The following VAT1L variants were observed in gnomAD, a reference collection of about 807,000 sequenced individuals.
The protein encoded by VAT1L is putative NADPH-dependent quinone oxidoreductase VAT1L.
Under a neutral mutation model 44.1 loss-of-function variants are expected in VAT1L, and 34 were observed. That is an observed-to-expected ratio of 0.77 (90% CI 0.59 to 1.03). VAT1L has a LOEUF of 1.03. Among genes scored for constraint, VAT1L ranks in the 50% least tolerant of loss-of-function variants. VAT1L has a pLI of 0.00. For missense variants in VAT1L, 615 were observed against 538.8 expected, an observed-to-expected ratio of 1.14 and a Z score of -1.40; for synonymous variants, 253 against 202.2, an observed-to-expected ratio of 1.25 and a Z score of -2.13.
intron 7 of VAT1L, among the ~76,000 whole-genome samples, chr16:77,933,931 A>C (rs2017762311): frequency 6.6e-6 from 1 of 152,206 alleles, no homozygotes; most frequent in Non-Finnish European, 1.5e-5. Context: ...TCTAGCCATG[A>C]TGGGAAGAAA....
chr16:77,841,972 C>G (rs1355345901), intron 3 of VAT1L, among the ~76,000 whole-genome samples: 2 of 151,978 alleles, frequency 1.3e-5, no homozygotes, highest in Admixed American at 1.3e-4. Flanking sequence ...ATGGCAAGCT[C>G]CACCTCCCGG....
chr16:77,836,847 C>T (rs2016644852), intron 3 of VAT1L, among the ~76,000 whole-genome samples: 1 of 152,150 alleles, frequency 6.6e-6, no homozygotes, highest in East Asian at 1.9e-4. Context: ...AATTTGGCCT[C>T]TGTGACAGAT....
chr16:77,872,103 A>G (rs1404475297), intron 4 of VAT1L, among the ~76,000 whole-genome samples: 4 of 152,186 alleles, frequency 2.6e-5, no homozygotes, highest in South Asian at 2.1e-4. Flanking sequence ...ACAGTTGGGG[A>G]AACTGAGGCA....
chr16:77,976,574 G>C (rs553606287), intron 8 of VAT1L, among the ~76,000 whole-genome samples: 1 of 152,174 alleles, frequency 6.6e-6, no homozygotes, highest in East Asian at 1.9e-4. Context: ...GGAGATCTGG[G>C]GCCCAATCTA....
chr16:77,795,613 T>C (rs1294330703), intron 1 of VAT1L, among the ~76,000 whole-genome samples: 1 of 152,124 alleles, frequency 6.6e-6, no homozygotes, highest in African/African-American at 2.4e-5. Context: ...TGAAGGTGGA[T>C]GGGTCAATTC....
At chr16:77,946,551 G>GATTACA (rs2017969639) in intron 7 of VAT1L, among the ~76,000 whole-genome samples, 1 of 152,002 alleles carries the variant, frequency 6.6e-6, no homozygotes, top group South Asian at 2.1e-4. Context: ...CAAAGTGCTG[G>GATTACA]GATTACAGGC....
In VAT1L at chr16:77,852,503, C is replaced by G. The variant is rs1194948476; in HGVS notation, c.580-10245C>G. 2.0e-5 allele frequency among the ~76,000 whole-genome samples: 3 copies of G among 152,132 alleles called. No homozygotes were observed. The East Asian group carries it at 5.8e-4, about 29-fold the overall frequency. On this transcript the variant is annotated intron_variant, in intron 3 of 8. Transcript: ENST00000302536. ...GTCCCCACAGGCTTAGCAATAAGGC[C>G]CCTTGCATTTAAACCTCACCACTTC...
At chr16:77,811,818 A>G (rs2145228836) in intron 1 of VAT1L, among the ~76,000 whole-genome samples, 1 of 152,314 alleles carries the variant, frequency 6.6e-6, no homozygotes, top group Non-Finnish European at 1.5e-5. Context: ...TTTAACTCTT[A>G]TATAAAGTCT....
intron 7 of VAT1L, among the ~76,000 whole-genome samples, chr16:77,938,438 G>C (rs1597109079): frequency 6.6e-6 from 1 of 152,296 alleles, no homozygotes; most frequent in East Asian, 1.9e-4. Context: ...CAAATCTCAT[G>C]TTGAATTGTA....
chr16:77,865,650 C>T lies in VAT1L; in HGVS notation c.722+2760C>T, dbSNP rs148148080. On this transcript the variant is annotated intron_variant, in intron 4 of 8. Transcript: ENST00000302536. ...TGGAGAAATCAGAAACACTGTCAAT[C>T]GCAGAGTGGGATTTTGGCTGAGAAT... is the stretch of plus-strand genomic sequence containing the variant. Among the ~76,000 whole-genome samples the T allele has an allele frequency of 4.0e-4, 61 of 152,282 alleles. 1 individual carries two copies. Among genetic ancestry groups the T allele is most frequent in the African/African-American group, 1.4e-3 (58 of 41,556 alleles).
intron 7 of VAT1L, among the ~76,000 whole-genome samples, chr16:77,958,553 C>A (rs1321811797): frequency 1.3e-5 from 2 of 152,328 alleles, no homozygotes; most frequent in East Asian, 1.9e-4. Context: ...TGTTAACTAA[C>A]ACAAACACTG....
chr16:77,873,701 A>G (rs1125691), intron 4 of VAT1L, among the ~76,000 whole-genome samples: 54,319 of 151,760 alleles, frequency 0.36, 10,072 homozygotes, highest in East Asian at 0.55. Context: ...CATAAAGGAA[A>G]CTAAAATGGA....
intron 4 of VAT1L, among the ~76,000 whole-genome samples, chr16:77,872,303 G>A (rs897329615): frequency 2.6e-5 from 4 of 152,132 alleles, no homozygotes; most frequent in African/African-American, 9.7e-5. Flanking sequence ...CTTCTACAAG[G>A]AGTCAGTGGC....
intron 7 of VAT1L, among the ~76,000 whole-genome samples, chr16:77,961,747 T>C (rs1437223425): frequency 6.6e-6 from 1 of 152,148 alleles, no homozygotes; most frequent in East Asian, 1.9e-4. Flanking sequence ...CCAGGTCTAA[T>C]GGAAAAGCCT....
intron 7 of VAT1L, among the ~76,000 whole-genome samples, chr16:77,907,114 G>A (rs977076054): frequency 6.6e-6 from 1 of 152,206 alleles, no homozygotes; most frequent in East Asian, 1.9e-4. Flanking sequence ...GCCCTGCTGT[G>A]TAGCATTGGC....
At chr16:77,896,088 G>A (rs891625580) in intron 7 of VAT1L, among the ~76,000 whole-genome samples, 3 of 152,312 alleles carry the variant, frequency 2.0e-5, no homozygotes, top group South Asian at 2.1e-4. Flanking sequence ...GAGAGGAAAC[G>A]GGATAGGAGG....
intron 1 of VAT1L, among the ~76,000 whole-genome samples, chr16:77,815,743 C>T (rs12925687): frequency 4.0e-5 from 6 of 151,622 alleles, no homozygotes; most frequent in East Asian, 2.0e-4. Flanking sequence ...CCAAGGTGGG[C>T]GGATCACCTG....
chr16:77,879,318 G>A lies in VAT1L; in HGVS notation c.882+94G>A, dbSNP rs1047396812. 65 of 1,360,900 alleles carry A rather than the reference G, an allele frequency of 4.8e-5. No homozygotes were observed. Among genetic ancestry groups the A allele is most frequent in the African/African-American group, 2.4e-4 (17 of 69,426 alleles). The allele number at this position is 1,360,900 out of a possible 1,614,324, so 84.3% of individuals were successfully genotyped here. A position where few individuals can be genotyped will look rare whatever the true frequency, so the allele number is the denominator to read the frequency against. Reference sequence around the variant, plus strand: ...GTTTGTTTGTTTGTTTTGAGACAGCGTCTCGTTCTGTCACCAGGCTGGAGT... The same window carrying A: ...GTTTGTTTGTTTGTTTTGAGACAGCATCTCGTTCTGTCACCAGGCTGGAGT... On this transcript the variant is annotated intron_variant, in intron 6 of 8. Transcript: ENST00000302536. This position sits in a 1 kb window ranked among gnomAD's most constrained non-coding sequence, Gnocchi z 4.1.
At position 77,884,515 on chromosome 16, in the gene VAT1L, C is replaced by T; in HGVS notation, c.883-93C>T. On this transcript the variant is annotated intron_variant, in intron 6 of 8. Coordinates refer to ENST00000302536, the MANE Select transcript of VAT1L (RefSeq NM_020927.3). The surrounding 1 kb of genome is among the most constrained non-coding windows in gnomAD (Gnocchi z 4.5). ...TCTGCTGAGCTGCAGCCCCACGTTC[C>T]CCCTGTAGTAGCTGATGACATCAGC... The T allele has an allele frequency of 7.6e-7, 1 of 1,310,478 alleles. No homozygotes were observed. The highest frequency in any genetic ancestry group is 1.0e-6 in the Non-Finnish European group (1 of 958,524). The allele number at this position is 1,310,478 out of a possible 1,614,324, so 81.2% of individuals were successfully genotyped here.
Sources: allele counts gnomAD v4.1 joint callset (sites outside exome capture counted in the v4.1 genomes callset), GRCh38; gene constraint gnomAD v4.1.1; non-coding constraint Gnocchi (gnomAD v3.1); transcripts MANE v1.5; gene names NCBI Gene and HGNC (gene_info 2026-07-23, HGNC 2026-07-21).